ESRRB: variants seen among roughly 807,000 people sequenced by gnomAD.
ESRRB encodes the protein estrogen related receptor beta.
Under a neutral mutation model 46.0 loss-of-function variants are expected in ESRRB, and 16 were observed. The ratio of observed to expected loss-of-function variants is 0.35; its 90% confidence interval spans 0.24 to 0.53. The LOEUF (loss-of-function observed/expected upper bound fraction) is 0.53, where lower values mean the gene tolerates loss of function less well. Among genes scored for constraint, ESRRB ranks in the 20% least tolerant of loss-of-function variants. The pLI, the probability that ESRRB is intolerant of heterozygous loss-of-function variation, is 0.93. For synonymous variants in ESRRB, 246 were observed against 259.6 expected, an observed-to-expected ratio of 0.95 and a Z score of 0.50; for missense variants, 488 against 607.4, an observed-to-expected ratio of 0.80 and a Z score of 2.07.
At chr14:76,366,730 A>T (rs1356306500), upstream of ESRRB, among the ~76,000 whole-genome samples, 4 of 152,148 alleles carry the variant, frequency 2.6e-5, no homozygotes, top group Non-Finnish European at 1.5e-5. Context: ...TGGAGAAGGG[A>T]TACTGGGCCA....
At chr14:76,333,553 C>T (rs1400618012) in intron 1 of ESRRB, among the ~76,000 whole-genome samples, 1 of 144,366 alleles carries the variant, frequency 6.9e-6, no homozygotes, top group Non-Finnish European at 1.5e-5. Flanking sequence ...GTCTCAAACT[C>T]CTGAGTTCAA....
intron 1 of ESRRB, among the ~76,000 whole-genome samples, chr14:76,359,549 C>T (rs556380407): frequency 1.3e-5 from 2 of 152,280 alleles, no homozygotes; most frequent in South Asian, 4.1e-4. Context: ...AGTAGCTCCC[C>T]AGAAGCCCAC....
rs1262161002 is a variant in ESRRB at position 76,482,819 on chromosome 14, C to G, written c.850+60C>G. 1.3e-6 allele frequency: 2 copies of G among 1,596,926 alleles called. No individual in the cohort carries two copies. The highest frequency in any genetic ancestry group is 1.7e-6 in the Non-Finnish European group (2 of 1,168,248). On this transcript the variant is annotated intron_variant, in intron 5 of 6. Coordinates refer to ENST00000644823, the MANE Select transcript of ESRRB (RefSeq NM_001379180.1). This position sits in a 1 kb window ranked among gnomAD's most constrained non-coding sequence, Gnocchi z 4.3. ...GGACTCTCAGCCGGTATCTCCGCAG[C>G]CTACCCAATGGCTGTGCTTCTGATG... is the stretch of plus-strand genomic sequence containing the variant.
chr14:76,408,881 CA>C (rs1886314260), intron 1 of ESRRB, among the ~76,000 whole-genome samples: 1 of 152,178 alleles, frequency 6.6e-6, no homozygotes. Context: ...TCATTTCAAC[CA>C]GGCATTGTTC....
At chr14:76,487,505 CT>C (rs199640171) in intron 5 of ESRRB, among the ~76,000 whole-genome samples, 1,802 of 147,880 alleles carry the variant, frequency 0.012, 22 homozygotes, top group East Asian at 0.056. Context: ...CATTAGTTAC[CT>C]TTTTTTTTTT....
rs529243634 is a variant in ESRRB at position 76,432,671 on chromosome 14, C to CT, written c.51-6650dup. ...TACTGAATAAGCTATTTCTCTCTCT[C>CT]TTTTTTTTTTTTTTTTTTTTCTGAG... On this transcript the variant is annotated intron_variant, in intron 1 of 6. Coordinates refer to ENST00000644823, the MANE Select transcript of ESRRB (RefSeq NM_001379180.1). 4.5e-3 allele frequency among the ~76,000 whole-genome samples: 503 copies of CT among 111,428 alleles called. 15 individuals are homozygous for CT. The highest frequency in any genetic ancestry group is 5.9e-3 in the Non-Finnish European group (352 of 59,650). The allele number at this position is 111,428 out of a possible 152,430, so 73.1% of individuals were successfully genotyped here. A position where few individuals can be genotyped will look rare whatever the true frequency, so the allele number is the denominator to read the frequency against.
chr14:76,334,690 A>G lies in ESRRB; in HGVS notation c.2+23774A>G, dbSNP rs142038965. ...CGAAGACATTAAAGATGTCTCCCCA[A>G]CTTCAGAGAGTTTGTAGCTGTGGCC... On this transcript the variant is annotated intron_variant, in intron 1 of 6. Transcript: ENST00000512784. 2.4e-3 allele frequency among the ~76,000 whole-genome samples: 370 copies of G among 152,254 alleles called. 1 individual carries two copies. Among genetic ancestry groups the G allele is most frequent in the African/African-American group, 8.4e-3 (350 of 41,550 alleles).
In ESRRB at chr14:76,498,751, A is replaced by G. The variant is rs916246566; in HGVS notation, c.*293A>G. ...GCCTGGGCCAGGGCTGACTCCCTTC[A>G]GGAGTGGAGGCCACTGGAGCAAGTG... On this transcript the variant is annotated 3_prime_UTR_variant, in exon 7 of 7. Coordinates refer to ENST00000644823, the MANE Select transcript of ESRRB (RefSeq NM_001379180.1). The G allele has an allele frequency of 1.0e-5, 9 of 871,322 alleles. No individual in the cohort carries two copies. Among genetic ancestry groups the G allele is most frequent in the Non-Finnish European group, 1.7e-5 (9 of 544,662 alleles). 54.0% of individuals were successfully genotyped at this position (871,322 alleles called of 1,614,324 possible). A position where few individuals can be genotyped will look rare whatever the true frequency, so the allele number is the denominator to read the frequency against.
chr14:76,493,280 G>A (rs1319684216), intron 6 of ESRRB, among the ~76,000 whole-genome samples: 1 of 152,006 alleles, frequency 6.6e-6, no homozygotes, highest in Admixed American at 6.6e-5. Context: ...TCAGCCTTCC[G>A]AGTAGCTGGG....
At chr14:76,315,241 G>C (rs975144346) in intron 1 of ESRRB, among the ~76,000 whole-genome samples, 2 of 149,512 alleles carry the variant, frequency 1.3e-5, no homozygotes, top group African/African-American at 4.9e-5. Flanking sequence ...GTCCTCGCCT[G>C]GTCTCCCTCC....
At chr14:76,334,254 T>C (rs1046673092) in intron 1 of ESRRB, among the ~76,000 whole-genome samples, 4 of 152,186 alleles carry the variant, frequency 2.6e-5, no homozygotes, top group Admixed American at 6.5e-5. Context: ...CTGATCATCA[T>C]GTCCAGCCTC....
intron 1 of ESRRB, among the ~76,000 whole-genome samples, chr14:76,413,755 A>G (rs1886538516): frequency 6.6e-6 from 1 of 152,064 alleles, no homozygotes; most frequent in Non-Finnish European, 1.5e-5. Flanking sequence ...AAGTAAGCGA[A>G]TAGTAACAAC....
chr14:76,413,847 TCACCCCTGCACCATCCC>T (rs1450757804), intron 1 of ESRRB, among the ~76,000 whole-genome samples: 8 of 25,080 alleles, frequency 3.2e-4, no homozygotes, highest in Admixed American at 1.6e-3. Flanking sequence ...CGTACCATCC[TCACCCCTGCACCATCCC>T]CACCCCTGCA....
chr14:76,452,655 A>AAAC, intron 2 of ESRRB, among the ~76,000 whole-genome samples: 1 of 148,946 alleles, frequency 6.7e-6, no homozygotes, highest in African/African-American at 2.6e-5. Context: ...AAACAAAACA[A>AAAC]AAAAAAAGGT....
chr14:76,498,561 T>C lies in ESRRB; in HGVS notation c.*103T>C, dbSNP rs1394621125. The C allele has an allele frequency of 9.6e-6, 13 of 1,355,872 alleles. No homozygotes were observed. In the East Asian group the frequency reaches 2.8e-4, roughly 29 times the overall value. The allele number at this position is 1,355,872 out of a possible 1,614,324, so 84.0% of individuals were successfully genotyped here. On this transcript the variant is annotated 3_prime_UTR_variant, in exon 7 of 7. Transcript: ENST00000644823. ...GCCTCCACCTTCAACCCCTGTATCA[T>C]GGCTCTGAGCTGTCCCAGAGGCGGG...
At chr14:76,489,445 C>CCACGCACA (rs1555344593) in intron 5 of ESRRB, among the ~76,000 whole-genome samples, 1 of 129,598 alleles carries the variant, frequency 7.7e-6, no homozygotes, top group Non-Finnish European at 1.6e-5. Context: ...ATCTGGACAA[C>CCACGCACA]CACACACACA....
chr14:76,459,508 A>G (rs1296627873), intron 2 of ESRRB, among the ~76,000 whole-genome samples: 1 of 138,900 alleles, frequency 7.2e-6, no homozygotes, highest in Non-Finnish European at 1.6e-5. Flanking sequence ...AGAAAGTGAT[A>G]GTTATGCAGA....
chr14:76,370,410 A>G (rs1201686359), upstream of ESRRB, among the ~76,000 whole-genome samples: 2 of 152,048 alleles, frequency 1.3e-5, no homozygotes, highest in Non-Finnish European at 2.9e-5. Context: ...AAAAAAAAAA[A>G]TTGTCGCCAA....
intron 1 of ESRRB, among the ~76,000 whole-genome samples, chr14:76,352,340 C>A (rs1402000141): frequency 2.6e-5 from 4 of 152,164 alleles, no homozygotes; most frequent in African/African-American, 9.7e-5. Flanking sequence ...AACCTGTTGG[C>A]GGCCACTGAG....
Sources: gnomAD v4.1 joint callset for allele counts (sites outside exome capture counted in the v4.1 genomes callset) on GRCh38, gnomAD v4.1.1 for gene constraint, Gnocchi (gnomAD v3.1) non-coding constraint, MANE v1.5 for transcripts, NCBI Gene and HGNC (gene_info 2026-07-23, HGNC 2026-07-21) for gene names.